Variants in EYS observed in about 807,000 individuals in gnomAD.
The protein encoded by EYS is protein eyes shut homolog.
Under a neutral mutation model 282.1 loss-of-function variants are expected in EYS, and 250 were observed. The observed-to-expected ratio is 0.89, with a 90% confidence interval of 0.80 to 0.98. The LOEUF (loss-of-function observed/expected upper bound fraction) is 0.98. Ranked by LOEUF, EYS falls within the 50% of genes least tolerant of loss-of-function variation. EYS has a pLI of 0.00. For synonymous variants in EYS, 1,355 were observed against 1,282.9 expected (o/e 1.06, Z -1.20); for missense variants, 4,016 against 3,709.0 (o/e 1.08, Z -2.15).
intron 19 of EYS, among the ~76,000 whole-genome samples, chr6:64,886,129 G>A (rs1047955312): frequency 6.6e-6 from 1 of 151,730 alleles, no homozygotes; most frequent in Non-Finnish European, 1.5e-5. Flanking sequence ...AAACAATATA[G>A]CTATTTGTAT....
At chr6:65,317,928 T>G (rs1268337879) in intron 11 of EYS, among the ~76,000 whole-genome samples, 2 of 147,972 alleles carry the variant, frequency 1.4e-5, no homozygotes, top group Non-Finnish European at 3.0e-5. Context: ...AGGGCAGTGG[T>G]GCGATCTCGG....
At chr6:64,828,638 C>G (rs1410956853) in intron 19 of EYS, among the ~76,000 whole-genome samples, 2 of 151,952 alleles carry the variant, frequency 1.3e-5, no homozygotes, top group African/African-American at 4.8e-5. Flanking sequence ...CATGGGACAT[C>G]AAGTATCCAT....
At position 64,003,946 on chromosome 6, in the gene EYS, C is replaced by T. The variant is rs1768216146; in HGVS notation, c.6726-4763G>A. ...GCCATAATTGTAAATTTCCTGAGGC[C>T]TCCCCAGCCATGCCGAACTGTGAGT... is the stretch of plus-strand genomic sequence containing the variant. On this transcript the variant is annotated intron_variant, in intron 33 of 42. Transcript: ENST00000503581. Among the ~76,000 whole-genome samples, 4 of 152,286 alleles carry T rather than the reference C, an allele frequency of 2.6e-5. 1 individual carries two copies. In the South Asian group the frequency reaches 8.3e-4, roughly 32 times the overall value.
intron 12 of EYS, among the ~76,000 whole-genome samples, chr6:65,151,044 G>A (rs1326213610): frequency 6.6e-6 from 1 of 151,856 alleles, no homozygotes; most frequent in Non-Finnish European, 1.5e-5. Flanking sequence ...GATAGAATCT[G>A]TTGCTGATTC....
chr6:64,988,458 C>G (rs935975290), intron 14 of EYS, among the ~76,000 whole-genome samples: 1 of 151,530 alleles, frequency 6.6e-6, no homozygotes, highest in Admixed American at 6.6e-5. Flanking sequence ...GTTTCTTACT[C>G]TATGAAAAAA....
At chr6:64,527,941 T>A (rs1188787509) in intron 26 of EYS, among the ~76,000 whole-genome samples, 1 of 151,762 alleles carries the variant, frequency 6.6e-6, no homozygotes, top group Admixed American at 6.6e-5. Context: ...GCTTAAAAAT[T>A]GAGAATTATT....
chr6:64,384,391 T>C (rs73764415), intron 29 of EYS, among the ~76,000 whole-genome samples: 5,804 of 152,270 alleles, frequency 0.038, 357 homozygotes, highest in African/African-American at 0.13. Context: ...CAGTCAAATA[T>C]AATAGTACAT....
chr6:63,740,693 T>C (rs1769053588), intron 41 of EYS, among the ~76,000 whole-genome samples: 1 of 152,228 alleles, frequency 6.6e-6, no homozygotes, highest in Non-Finnish European at 1.5e-5. Flanking sequence ...ATTCTGTGTT[T>C]TGAAACAATG....
rs1561912693 is a variant in EYS, at chr6:64,295,554, G to GAAAGAAGA, written c.6191+11408_6191+11415dup. 2.9e-4 allele frequency among the ~76,000 whole-genome samples: 7 copies of GAAAGAAGA among 24,362 alleles called. 3 individuals carry two copies. The highest frequency in any genetic ancestry group is 1.5e-3 in the Admixed American group (4 of 2,710). 16.0% of individuals were successfully genotyped at this position (24,362 alleles called of 152,430 possible). Reference sequence around the variant, plus strand: ...AAGAAGAAAGAAGAAGAAAGAAGAAGAAAGAAGAAGAAAAGAAGAAGAAAA... The same window carrying GAAAGAAGA: ...AAGAAGAAAGAAGAAGAAAGAAGAAGAAAGAAGAAAAGAAGAAGAAAAGAAGAAGAAAA... On this transcript the variant is annotated intron_variant, in intron 30 of 42. Coordinates refer to ENST00000503581, the MANE Select transcript of EYS (RefSeq NM_001142800.2).
chr6:65,167,239 C>A (rs1404718991), intron 12 of EYS, among the ~76,000 whole-genome samples: 2 of 150,962 alleles, frequency 1.3e-5, no homozygotes, highest in African/African-American at 4.9e-5. Context: ...TGATGATAGC[C>A]CAAATGTATC....
In EYS at chr6:65,111,062, A is replaced by G. The variant is rs377392461; in HGVS notation, c.2024-53335T>C. On this transcript the variant is annotated intron_variant, in intron 12 of 42. Transcript: ENST00000503581. ...GAATTGACTTGGCAGCTAATAGGAAATATGTGCATAGAAAATATTAACGAA... is the reference window on the plus strand; with the variant it reads ...GAATTGACTTGGCAGCTAATAGGAAGTATGTGCATAGAAAATATTAACGAA... Among the ~76,000 whole-genome samples the G allele has an allele frequency of 7.9e-5, 12 of 152,206 alleles. No homozygotes were observed. The East Asian group carries it at 2.1e-3, about 27-fold the overall frequency.
At position 63,838,565 on chromosome 6, in the gene EYS, T is replaced by C. The variant is rs145686529; in HGVS notation, c.7228+25621A>G. Among the ~76,000 whole-genome samples the C allele has an allele frequency of 5.1e-3, 775 of 152,278 alleles. 7 individuals are homozygous for C. The highest frequency in any genetic ancestry group is 0.018 in the African/African-American group (739 of 41,572). ...GGTGTGGAGGAGTGGAAATGTTCTATAGTCTTCTGATTTAAACCCTGTCTT... is the reference window on the plus strand; with the variant it reads ...GGTGTGGAGGAGTGGAAATGTTCTACAGTCTTCTGATTTAAACCCTGTCTT... On this transcript the variant is annotated intron_variant, in intron 36 of 42. Transcript: ENST00000503581.
At chr6:64,849,095 T>A (rs1455884492) in intron 19 of EYS, among the ~76,000 whole-genome samples, 1 of 151,954 alleles carries the variant, frequency 6.6e-6, no homozygotes. Flanking sequence ...TCACATCTAG[T>A]GCAATATATA....
chr6:63,954,642 T>TA (rs1376679378), intron 35 of EYS, among the ~76,000 whole-genome samples: 6 of 152,106 alleles, frequency 3.9e-5, no homozygotes, highest in Non-Finnish European at 7.4e-5. Flanking sequence ...ATAAGGTAGC[T>TA]AAAAAAGCAG....
intron 30 of EYS, among the ~76,000 whole-genome samples, chr6:64,281,908 G>A (rs1309073149): frequency 6.6e-6 from 1 of 152,100 alleles, no homozygotes; most frequent in East Asian, 1.9e-4. Context: ...TAAGGCACTG[G>A]CCTTGAATAT....
At chr6:64,694,457 C>G (rs1174445529) in intron 22 of EYS, among the ~76,000 whole-genome samples, 3 of 152,186 alleles carry the variant, frequency 2.0e-5, no homozygotes, top group South Asian at 2.1e-4. Flanking sequence ...AACTCCTTGA[C>G]CCTGCTAAGC....
intron 31 of EYS, among the ~76,000 whole-genome samples, chr6:64,131,879 A>G (rs1773991254): frequency 6.6e-6 from 1 of 152,166 alleles, no homozygotes; most frequent in Admixed American, 6.6e-5. Context: ...CCCTGCAATT[A>G]ATTCTGTTTT....
chr6:63,984,539 C>A lies in EYS; in HGVS notation c.6899G>T (p.Gly2300Val), dbSNP rs531588707. The A allele has an allele frequency of 4.5e-5, 70 of 1,549,540 alleles. No homozygotes were observed. The South Asian group carries it at 7.9e-4, about 17-fold the overall frequency. The change falls in exon 35 of 43, where the codon GGT becomes GTT. Residue 2300 changes from glycine (G) to valine (V), a missense_variant. Coordinates refer to ENST00000503581, the MANE Select transcript of EYS (RefSeq NM_001142800.2). The stretch of plus-strand genomic sequence containing the variant: ...GCAGCCCCTGAACCCATAAACAGGA[C>A]CTGCTTTCTTATGAATTTGAACATT... ...PANVQIHKKAGPVYGFRGCIL... is the reference protein window; with the variant it reads ...PANVQIHKKAVPVYGFRGCIL...
At chr6:64,174,226 CTAAGGATCATAGTT>C (rs1764560747) in intron 31 of EYS, among the ~76,000 whole-genome samples, 1 of 151,974 alleles carries the variant, frequency 6.6e-6, no homozygotes, top group African/African-American at 2.4e-5. Flanking sequence ...TGAAAAAAAT[CTAAGGATCATAGTT>C]TTTAATTTCT....
Sources: allele counts gnomAD v4.1 joint callset (sites outside exome capture counted in the v4.1 genomes callset), GRCh38; gene constraint gnomAD v4.1.1; transcripts MANE v1.5; gene names NCBI Gene and HGNC (gene_info 2026-07-23, HGNC 2026-07-21).